Variants in RABGAP1L observed in about 807,000 individuals in gnomAD.
RABGAP1L encodes the protein RAB GTPase activating protein 1 like.
RABGAP1L carries 63 observed loss-of-function variants against 137.7 expected under a neutral mutation model. The ratio of observed to expected loss-of-function variants is 0.46; its 90% CI spans 0.37 to 0.56. The LOEUF is 0.56. RABGAP1L is among the 20% of genes least tolerant of loss of function. The probability of loss-of-function intolerance (pLI) is 0.00; values close to 1 mark genes in which losing one functional copy is unlikely to be tolerated. For missense variants in RABGAP1L, 1,095 were observed against 1,244.0 expected, an observed-to-expected ratio of 0.88 and a Z score of 1.80; for synonymous variants, 431 against 433.7, an observed-to-expected ratio of 0.99 and a Z score of 0.08.
In RABGAP1L at chr1:174,859,744, T is replaced by A. The variant is rs1483854689; in HGVS notation, c.2340+47784T>A. Among the ~76,000 whole-genome samples, 3 of 151,922 alleles carry A rather than the reference T, an allele frequency of 2.0e-5. No individual in the cohort carries two copies. The East Asian group carries it at 5.8e-4, about 29-fold the overall frequency. Reference sequence around the variant, plus strand: ...GAAAAATAACTAATGGATACTAAGCTTAATACCTGGGTGATGAAATAATCT... The same window carrying A: ...GAAAAATAACTAATGGATACTAAGCATAATACCTGGGTGATGAAATAATCT... On this transcript the variant is annotated intron_variant, in intron 19 of 25. Coordinates refer to ENST00000681986, the MANE Select transcript of RABGAP1L (RefSeq NM_001366446.1).
chr1:174,371,431 T>A (rs552650408), intron 12 of RABGAP1L, among the ~76,000 whole-genome samples: 3 of 152,228 alleles, frequency 2.0e-5, no homozygotes, highest in African/African-American at 7.2e-5. Flanking sequence ...TATGTTTTTT[T>A]AAAACCAAGT....
intron 13 of RABGAP1L, among the ~76,000 whole-genome samples, chr1:174,412,290 G>C (rs1188376495): frequency 6.6e-6 from 1 of 152,008 alleles, no homozygotes; most frequent in Non-Finnish European, 1.5e-5. Context: ...AGCCACCCTT[G>C]CCCATTTATG....
intron 21 of RABGAP1L, among the ~76,000 whole-genome samples, chr1:174,970,838 TA>T (rs1670069265): frequency 6.6e-6 from 1 of 152,132 alleles, no homozygotes; most frequent in Non-Finnish European, 1.5e-5. Flanking sequence ...TGTTCACTAG[TA>T]GGGGAGAATG....
intron 10 of RABGAP1L, among the ~76,000 whole-genome samples, chr1:174,285,327 A>G (rs1347145057): frequency 6.6e-6 from 1 of 152,120 alleles, no homozygotes; most frequent in Non-Finnish European, 1.5e-5. Context: ...AATGTCTTAC[A>G]GTTTTTAGTG....
chr1:174,921,496 G>A (rs544536174), intron 19 of RABGAP1L, among the ~76,000 whole-genome samples: 1 of 152,224 alleles, frequency 6.6e-6, no homozygotes, highest in East Asian at 1.9e-4. Flanking sequence ...ACCTCCACAT[G>A]GGCATACTCT....
intron 13 of RABGAP1L, among the ~76,000 whole-genome samples, chr1:174,564,115 T>C (rs1040932819): frequency 2.0e-5 from 3 of 152,208 alleles, no homozygotes; most frequent in Admixed American, 2.0e-4. Context: ...AGTATAATTT[T>C]CTATTTATGG....
chr1:174,251,674 C>T (rs1672727114), intron 6 of RABGAP1L, among the ~76,000 whole-genome samples: 1 of 152,058 alleles, frequency 6.6e-6, no homozygotes, highest in African/African-American at 2.4e-5. Flanking sequence ...TGTTATGTAT[C>T]TCTTTGTCCA....
chr1:174,733,078 G>A (rs1005715368), intron 17 of RABGAP1L, among the ~76,000 whole-genome samples: 1 of 152,154 alleles, frequency 6.6e-6, no homozygotes, highest in Non-Finnish European at 1.5e-5. Flanking sequence ...ATAGTTAGGA[G>A]GAGATGCAAA....
At chr1:174,385,169 A>G (rs1274570150) in intron 12 of RABGAP1L, among the ~76,000 whole-genome samples, 1 of 152,218 alleles carries the variant, frequency 6.6e-6, no homozygotes, top group East Asian at 1.9e-4. Flanking sequence ...AGATAATTAC[A>G]TGTTGCACTA....
chr1:174,210,974 A>G (rs1444767633), intron 1 of RABGAP1L, among the ~76,000 whole-genome samples: 1 of 152,224 alleles, frequency 6.6e-6, no homozygotes, highest in Admixed American at 6.5e-5. Context: ...CTTTTACTCT[A>G]GAATAATATG....
rs1269706627 is a variant in RABGAP1L, at chr1:174,829,233, T to C, written c.2340+17273T>C. On this transcript the variant is annotated intron_variant, in intron 19 of 25. Transcript: ENST00000681986. ...CCCTGTTTATAAAAGATGAAGAATATTGGGCTTTGCATTTTCCCTGAAAAT... is the reference window on the plus strand; with the variant it reads ...CCCTGTTTATAAAAGATGAAGAATACTGGGCTTTGCATTTTCCCTGAAAAT... Among the ~76,000 whole-genome samples, 2 of 148,198 alleles carry C rather than the reference T, an allele frequency of 1.3e-5. 1 individual carries two copies. The highest frequency in any genetic ancestry group is 3.0e-5 in the Non-Finnish European group (2 of 66,652).
At chr1:174,262,470 TA>T (rs1673656543) in intron 7 of RABGAP1L, among the ~76,000 whole-genome samples, 2 of 152,212 alleles carry the variant, frequency 1.3e-5, no homozygotes, top group Admixed American at 6.5e-5. Context: ...CAGTTTGAAG[TA>T]ATTGTAGATG....
chr1:174,919,753 G>C (rs1379058530), intron 19 of RABGAP1L, among the ~76,000 whole-genome samples: 1 of 152,126 alleles, frequency 6.6e-6, no homozygotes, highest in African/African-American at 2.4e-5. Context: ...CTACTTGGGA[G>C]GTTGAGGCAG....
intron 4 of RABGAP1L, among the ~76,000 whole-genome samples, chr1:174,232,760 C>CA (rs374392523): frequency 0.089 from 10,780 of 121,610 alleles, 592 homozygotes; most frequent in East Asian, 0.21. Context: ...GACGCCATCT[C>CA]AAAAAAAAAA....
At chr1:174,440,965 C>T (rs1275008194) in intron 13 of RABGAP1L, among the ~76,000 whole-genome samples, 1 of 151,908 alleles carries the variant, frequency 6.6e-6, no homozygotes, top group Non-Finnish European at 1.5e-5. Flanking sequence ...TCCTTTCTGG[C>T]TTTGCTGTTT....
intron 17 of RABGAP1L, among the ~76,000 whole-genome samples, chr1:174,736,107 T>C (rs1222755960): frequency 6.6e-6 from 1 of 152,158 alleles, no homozygotes; most frequent in African/African-American, 2.4e-5. Flanking sequence ...CAAGTCTTAT[T>C]CCAACATTAA....
chr1:174,547,636 ATATATCT>A (rs1388479755), intron 13 of RABGAP1L, among the ~76,000 whole-genome samples: 2 of 152,116 alleles, frequency 1.3e-5, no homozygotes, highest in Non-Finnish European at 2.9e-5. Context: ...AAGAAAAGAA[ATATATCT>A]TATACCATAG....
intron 19 of RABGAP1L, among the ~76,000 whole-genome samples, chr1:174,867,706 C>T (rs761334421): frequency 3.9e-5 from 6 of 152,148 alleles, no homozygotes; most frequent in Non-Finnish European, 7.4e-5. Flanking sequence ...ACTGCAGTGA[C>T]GTGATCTCAG....
intron 14 of RABGAP1L, among the ~76,000 whole-genome samples, chr1:174,680,001 AT>A (rs1233189686): frequency 1.3e-5 from 2 of 152,238 alleles, no homozygotes; most frequent in African/African-American, 4.8e-5. Flanking sequence ...GGGAAAAAAT[AT>A]TCATGACACA....
Sources: gnomAD v4.1 joint callset for allele counts (sites outside exome capture counted in the v4.1 genomes callset) on GRCh38, gnomAD v4.1.1 for gene constraint, MANE v1.5 for transcripts, NCBI Gene and HGNC (gene_info 2026-07-23, HGNC 2026-07-21) for gene names.